UBE2E3: variants seen among roughly 807,000 people sequenced by gnomAD.
The protein encoded by UBE2E3 is ubiquitin-conjugating enzyme E2 E3.
In UBE2E3, 5 loss-of-function variants were observed where a neutral mutation model predicts 23.6. The ratio of observed to expected loss-of-function variants is 0.21; its 90% CI spans 0.11 to 0.44. The LOEUF (loss-of-function observed/expected upper bound fraction) is 0.44, where lower values mean the gene tolerates loss of function less well. UBE2E3 is among the 20% of genes least tolerant of loss of function. The probability of loss-of-function intolerance (pLI) is 0.99; values close to 1 mark genes in which losing one functional copy is unlikely to be tolerated. For synonymous variants in UBE2E3, 78 were observed against 87.5 expected, an observed-to-expected ratio of 0.89 and a Z score of 0.60; for missense variants, 81 against 249.8, an observed-to-expected ratio of 0.32 and a Z score of 4.55.
intron 3 of UBE2E3, among the ~76,000 whole-genome samples, chr2:181,039,667 T>C (rs1444516607): frequency 1.3e-5 from 2 of 152,154 alleles, no homozygotes; most frequent in African/African-American, 4.8e-5. Flanking sequence ...ATAGTGTCAC[T>C]TGCAAAGTCG....
intron 2 of UBE2E3, among the ~76,000 whole-genome samples, chr2:180,983,287 G>A (rs1684358700): frequency 6.6e-6 from 1 of 152,128 alleles, no homozygotes; most frequent in Middle Eastern, 3.2e-3. Context: ...TAATATTTTT[G>A]AATGGCAGCA....
chr2:181,010,069 C>T (rs946170308), intron 3 of UBE2E3, among the ~76,000 whole-genome samples: 1 of 152,052 alleles, frequency 6.6e-6, no homozygotes, highest in African/African-American at 2.4e-5. Flanking sequence ...GCAGTTTTTA[C>T]CCATTCTTGA....
At chr2:180,981,129 T>C (rs1348649007) in intron 1 of UBE2E3, 156 bp downstream of exon 1, 3 of 141,616 alleles carry the variant, frequency 2.1e-5, no homozygotes, top group African/African-American at 7.6e-5. Context: ...TCGCATCACT[T>C]GGCGCCCGGC....
intron 3 of UBE2E3, among the ~76,000 whole-genome samples, chr2:180,990,715 A>G (rs1227515611): frequency 1.3e-5 from 2 of 152,186 alleles, no homozygotes; most frequent in East Asian, 1.9e-4. Context: ...GGTTATATCT[A>G]TTATGTTCTA....
intron 4 of UBE2E3, 146 bp from the exon 5 acceptor site, chr2:181,060,519 A>T: frequency 1.1e-6 from 1 of 915,976 alleles, no homozygotes; most frequent in Non-Finnish European, 1.5e-6. Context: ...AAAAGCATTT[A>T]ATTTTGTTAT....
intron 3 of UBE2E3, among the ~76,000 whole-genome samples, chr2:181,048,497 A>G (rs1208983873): frequency 1.3e-5 from 2 of 152,148 alleles, no homozygotes; most frequent in African/African-American, 2.4e-5. Flanking sequence ...GTTGGTTGTT[A>G]TAGAGATTAC....
chr2:181,030,571 C>T (rs1686044320), intron 3 of UBE2E3, among the ~76,000 whole-genome samples: 1 of 151,858 alleles, frequency 6.6e-6, no homozygotes, highest in Non-Finnish European at 1.5e-5. Flanking sequence ...TTAATACTGG[C>T]CTCAGAGAAA....
intron 3 of UBE2E3, among the ~76,000 whole-genome samples, chr2:181,000,025 C>T (rs2105590008): frequency 6.6e-6 from 1 of 152,230 alleles, no homozygotes; most frequent in East Asian, 1.9e-4. Flanking sequence ...ATCAGTGATA[C>T]AGAATAAAGA....
rs144109407 is a variant in UBE2E3, at chr2:180,991,294, A to G, written c.245+7201A>G. On this transcript the variant is annotated intron_variant, in intron 3 of 5. Coordinates refer to ENST00000410062, the MANE Select transcript of UBE2E3 (RefSeq NM_006357.4). Reference sequence around the variant, plus strand: ...CCTGAAAGTTGAGATAGTATTGATTATATACTGTGTTTTTTCCTATACATA... The same window carrying G: ...CCTGAAAGTTGAGATAGTATTGATTGTATACTGTGTTTTTTCCTATACATA... 9.6e-4 allele frequency among the ~76,000 whole-genome samples: 146 copies of G among 152,264 alleles called. No homozygotes were observed. In the Middle Eastern group the frequency reaches 0.014, roughly 14 times the overall value.
intron 3 of UBE2E3, among the ~76,000 whole-genome samples, chr2:181,011,072 A>C (rs1164177880): frequency 6.6e-6 from 1 of 151,840 alleles, no homozygotes; most frequent in African/African-American, 2.4e-5. Flanking sequence ...TGACTTGAGC[A>C]CAGGGTCTTG....
intron 3 of UBE2E3, among the ~76,000 whole-genome samples, chr2:181,007,429 T>C (rs536191980): frequency 3.9e-4 from 59 of 152,154 alleles, no homozygotes; most frequent in Middle Eastern, 3.4e-3. Flanking sequence ...TTTATAAATA[T>C]AAGAGAGTAG....
chr2:181,021,626 CCCTTTTTT>C (rs1685697688), intron 3 of UBE2E3, among the ~76,000 whole-genome samples: 1 of 13,060 alleles, frequency 7.7e-5, no homozygotes, highest in African/African-American at 2.5e-4. Context: ...CTCTCTCCCT[CCCTTTTTT>C]CCTTCCTTCC....
At chr2:181,049,278 A>G (rs1053330413) in intron 3 of UBE2E3, among the ~76,000 whole-genome samples, 5 of 152,084 alleles carry the variant, frequency 3.3e-5, no homozygotes, top group African/African-American at 9.7e-5. Flanking sequence ...GCTAAAGACA[A>G]TATACTTATA....
In UBE2E3 at chr2:181,012,839, C is replaced by CATG. The variant is rs1294445682; in HGVS notation, c.245+28746_245+28747insATG. On this transcript the variant is annotated intron_variant, in intron 3 of 5. Transcript: ENST00000410062. ...ATGTATAGGCATGAATTTAGAGATA[C>CATG]TAACAAGTATTGGTATTTCTCATAT... is the stretch of plus-strand genomic sequence containing the variant. Among the ~76,000 whole-genome samples the CATG allele has an allele frequency of 6.6e-5, 10 of 152,228 alleles. No individual in the cohort carries two copies. The East Asian group carries it at 1.9e-3, about 29-fold the overall frequency.
At position 180,996,347 on chromosome 2, in the gene UBE2E3, A is replaced by G. The variant is rs539452970; in HGVS notation, c.245+12254A>G. Among the ~76,000 whole-genome samples, 408 of 152,266 alleles carry G rather than the reference A, an allele frequency of 2.7e-3. 1 individual carries two copies. Among genetic ancestry groups the G allele is most frequent in the Non-Finnish European group, 5.1e-3 (347 of 68,010 alleles). On this transcript the variant is annotated intron_variant, in intron 3 of 5. Transcript: ENST00000410062. ...GTCTTGGCATTAGGAGAACTGAGAG[A>G]TCTTTATTATAACTATAGGTCTGCT...
At chr2:181,050,755 A>G (rs1686817823) in intron 3 of UBE2E3, among the ~76,000 whole-genome samples, 1 of 151,860 alleles carries the variant, frequency 6.6e-6, no homozygotes, top group Admixed American at 6.6e-5. Context: ...AAATTGTGAT[A>G]AAAATACTCG....
intron 3 of UBE2E3, among the ~76,000 whole-genome samples, chr2:181,014,351 C>T (rs1340840363): frequency 1.3e-5 from 2 of 152,072 alleles, no homozygotes; most frequent in African/African-American, 4.8e-5. Flanking sequence ...GAGAAGCAGC[C>T]TGGGTTGGAA....
chr2:181,001,048 C>T (rs560694339), intron 3 of UBE2E3, among the ~76,000 whole-genome samples: 1 of 152,246 alleles, frequency 6.6e-6, no homozygotes, highest in Non-Finnish European at 1.5e-5. Flanking sequence ...GAGAATATGA[C>T]ACACTGACTC....
At chr2:181,012,630 TCTGA>T (rs1349765950) in intron 3 of UBE2E3, among the ~76,000 whole-genome samples, 3 of 152,202 alleles carry the variant, frequency 2.0e-5, no homozygotes, top group Admixed American at 1.3e-4. Flanking sequence ...GTTTGGAATG[TCTGA>T]CTGAGTAAAA....
Sources: gnomAD v4.1 joint callset for allele counts (sites outside exome capture counted in the v4.1 genomes callset) on GRCh38, gnomAD v4.1.1 for gene constraint, MANE v1.5 for transcripts, NCBI Gene and HGNC (gene_info 2026-07-23, HGNC 2026-07-21) for gene names.